SLC6A5: variants seen among roughly 807,000 people sequenced by gnomAD.
SLC6A5 encodes the protein solute carrier family 6 member 5.
SLC6A5 carries 58 observed loss-of-function variants against 90.5 expected under a neutral mutation model. That is an observed-to-expected ratio of 0.64 (90% confidence interval 0.52 to 0.80). The LOEUF (loss-of-function observed/expected upper bound fraction) is 0.80, where lower values mean the gene tolerates loss of function less well. Ranked by LOEUF, SLC6A5 falls within the 30% of genes least tolerant of loss-of-function variation. The probability of loss-of-function intolerance (pLI) is 0.00; values close to 1 mark genes in which losing one functional copy is unlikely to be tolerated. For synonymous variants in SLC6A5, 427 were observed against 401.4 expected (o/e 1.06, Z -0.76); for missense variants, 1,015 against 1,017.6 (o/e 1.00, Z 0.03).
chr11:20,601,447 C>A lies in SLC6A5; in HGVS notation c.322C>A (p.Pro108Thr), dbSNP rs774582809. Residue 108 changes from proline (P) to threonine (T), a missense_variant, in exon 2 of 16, where the codon CCT (proline) becomes ACT (threonine). By Grantham distance (38) the Pro-to-Thr change is conservative. Coordinates refer to ENST00000525748, the MANE Select transcript of SLC6A5 (RefSeq NM_004211.5). ...GGCGCAAGGCGCGCAGGCCTCGCCC[C>A]CTCCCGGGAGCTCCGGGCCCGGCAA... ...REAQGAQASP[P>T]PGSSGPGNAL... 1 of 1,608,598 alleles carries A rather than the reference C, an allele frequency of 6.2e-7. No individual in the cohort carries two copies. The highest frequency in any genetic ancestry group is 2.2e-5 in the East Asian group (1 of 44,638).
chr11:20,634,305 T>A (rs1187427897), intron 10 of SLC6A5, among the ~76,000 whole-genome samples: 1 of 152,206 alleles, frequency 6.6e-6, no homozygotes, highest in Admixed American at 6.5e-5. Context: ...TCTAACGATG[T>A]TATTCTCTAG....
intron 6 of SLC6A5, among the ~76,000 whole-genome samples, chr11:20,615,737 G>A (rs1852773416): frequency 6.6e-6 from 1 of 151,906 alleles, no homozygotes; most frequent in African/African-American, 2.4e-5. Context: ...GTGTTCTCTA[G>A]CTAAACTTTA....
rs375633978 is a variant in SLC6A5 at position 20,637,359 on chromosome 11, T to C, written c.1869+56T>C. Reference sequence around the variant, plus strand: ...TGGGGGCAGGAGGGTGGGGGGCCAATAGCTATCTGTCTTTCAACCCTTAGC... The same window carrying C: ...TGGGGGCAGGAGGGTGGGGGGCCAACAGCTATCTGTCTTTCAACCCTTAGC... On this transcript the variant is annotated intron_variant, in intron 12 of 15. Coordinates refer to ENST00000525748, the MANE Select transcript of SLC6A5 (RefSeq NM_004211.5). 1.5e-5 allele frequency: 22 copies of C among 1,495,016 alleles called. No homozygotes were observed. In the South Asian group the frequency reaches 2.4e-4, roughly 16 times the overall value. The allele number at this position is 1,495,016 out of a possible 1,614,324, so 92.6% of individuals were successfully genotyped here.
intron 15 of SLC6A5, among the ~76,000 whole-genome samples, chr11:20,652,684 A>AGT (rs1853565438): frequency 6.6e-6 from 1 of 152,314 alleles, no homozygotes; most frequent in South Asian, 2.1e-4. Context: ...GCTGGTCCTC[A>AGT]GTGTGGTGAC....
intron 14 of SLC6A5, among the ~76,000 whole-genome samples, chr11:20,651,035 T>C (rs188564317): frequency 6.6e-6 from 1 of 152,188 alleles, no homozygotes; most frequent in Admixed American, 6.5e-5. Context: ...TAGCTTATTA[T>C]AGGACCAAGC....
intron 5 of SLC6A5, among the ~76,000 whole-genome samples, chr11:20,611,222 A>G (rs949482775): frequency 6.6e-6 from 1 of 152,214 alleles, no homozygotes; most frequent in Admixed American, 6.5e-5. Context: ...TGGGAAGCCA[A>G]GGTGGATGGA....
Position 20,604,324 on chromosome 11 carries a change from C to T in SLC6A5, c.579C>T (p.Asn193=). 1 of 1,613,830 alleles carries T rather than the reference C, an allele frequency of 6.2e-7. No individual in the cohort carries two copies. Among genetic ancestry groups the T allele is most frequent in the Non-Finnish European group, 8.5e-7 (1 of 1,179,828 alleles). The change falls in exon 3 of 16, where the codon AAC becomes AAT. Residue 193 remains asparagine, a synonymous_variant. Transcript: ENST00000525748. ...EQGDENKARG[N]WSSKLDFILS... is the part of the protein sequence containing the mutation. ...GGGATGAGAATAAGGCCCGAGGGAA[C>T]TGGTCCAGCAAACTGGACTTCATCC...
intron 7 of SLC6A5, among the ~76,000 whole-genome samples, chr11:20,624,058 T>C (rs903593276): frequency 1.3e-5 from 2 of 150,938 alleles, no homozygotes; most frequent in African/African-American, 4.9e-5. Context: ...AATGCTTAAC[T>C]GGCTGGCACA....
In SLC6A5 at chr11:20,630,739, C is replaced by T. The variant is rs77029901; in HGVS notation, c.1548C>T (p.Ala516=). 2.9e-4 allele frequency: 467 copies of T among 1,614,180 alleles called. 3 individuals carry two copies. The African/African-American group carries it at 4.7e-3, about 16-fold the overall frequency. The change falls in exon 10 of 16, where the codon GCC becomes GCT. Residue 516 remains alanine, a synonymous_variant. Coordinates refer to ENST00000525748, the MANE Select transcript of SLC6A5 (RefSeq NM_004211.5). The part of the protein sequence containing the change: ...TCTNSATSIF[A]GFVIFSVIGF... ...CCAACAGTGCCACAAGCATCTTTGC[C>T]GGCTTCGTCATCTTCTCCGTTATCG... is the stretch of plus-strand genomic sequence containing the variant.
At chr11:20,617,927 A>T (rs150767679) in intron 7 of SLC6A5, 43 bp downstream of exon 7, 1 of 1,606,698 alleles carries the variant, frequency 6.2e-7, no homozygotes, top group East Asian at 2.2e-5. Context: ...TGAGACACCC[A>T]GGGGCGGTTG....
intron 13 of SLC6A5, among the ~76,000 whole-genome samples, chr11:20,646,204 C>G (rs1296967866): frequency 6.6e-6 from 1 of 152,150 alleles, no homozygotes; most frequent in Admixed American, 6.5e-5. Flanking sequence ...ATGAGAGTAA[C>G]CATCTCCTCT....
chr11:20,632,993 T>C (rs912053517), intron 10 of SLC6A5, among the ~76,000 whole-genome samples: 1 of 152,082 alleles, frequency 6.6e-6, no homozygotes, highest in African/African-American at 2.4e-5. Flanking sequence ...GAGGATGGGA[T>C]TGGTGAAGAG....
chr11:20,653,777 A>T (rs777173069), intron 15 of SLC6A5, among the ~76,000 whole-genome samples: 1 of 152,104 alleles, frequency 6.6e-6, no homozygotes, highest in Non-Finnish European at 1.5e-5. Context: ...AAGCCTCCCC[A>T]CCAACTGACC....
chr11:20,600,657 G>T (rs954515803), intron 1 of SLC6A5, among the ~76,000 whole-genome samples: 3 of 152,184 alleles, frequency 2.0e-5, no homozygotes, highest in Non-Finnish European at 4.4e-5. Context: ...GCGCTCGCAG[G>T]TGCCAGGGCA....
At chr11:20,625,943 T>TA (rs1248656486) in intron 7 of SLC6A5, among the ~76,000 whole-genome samples, 1 of 152,224 alleles carries the variant, frequency 6.6e-6, no homozygotes, top group Non-Finnish European at 1.5e-5. Flanking sequence ...TCTTCTAGGT[T>TA]AGGAGTCCCT....
chr11:20,619,308 A>G (rs904313357), intron 7 of SLC6A5, among the ~76,000 whole-genome samples: 1 of 152,230 alleles, frequency 6.6e-6, no homozygotes, highest in African/African-American at 2.4e-5. Context: ...TATTAGCCAC[A>G]TAGACCGAAC....
intron 5 of SLC6A5, among the ~76,000 whole-genome samples, chr11:20,609,930 A>T (rs1027220244): frequency 7.9e-5 from 12 of 152,224 alleles, no homozygotes; most frequent in African/African-American, 2.4e-4. Context: ...CTCTCCAAGT[A>T]TCTGTAATGG....
At position 20,614,741 on chromosome 11, in the gene SLC6A5, G is replaced by A. The variant is rs759580965; in HGVS notation, c.1048G>A (p.Ala350Thr). Residue 350 changes from alanine to threonine, a missense_variant, in exon 6 of 16, where the codon GCT (alanine) becomes ACT (threonine). Ala to Thr is a moderately conservative substitution (Grantham distance 58). Around this residue, in one of 3 missense-constraint regions of SLC6A5, gnomAD observed 567 missense variants for 507.3 expected, o/e 1.12. Transcript: ENST00000525748. Reference sequence around the variant, plus strand: ...CAAGAACTCGACTTTCTGCATGACCGCTTATCCCAACGTGACAATGGTTAA... The same window carrying A: ...CAAGAACTCGACTTTCTGCATGACCACTTATCCCAACGTGACAATGGTTAA... Reference protein sequence around the residue: ...QIKNSTFCMTAYPNVTMVNFT... With the variant: ...QIKNSTFCMTTYPNVTMVNFT... 93 of 1,613,510 alleles carry A rather than the reference G, an allele frequency of 5.8e-5. No homozygotes were observed. Among genetic ancestry groups the A allele is most frequent in the Admixed American group, 5.0e-4 (30 of 60,008 alleles).
chr11:20,626,379 G>GC (rs2133797979), intron 7 of SLC6A5, among the ~76,000 whole-genome samples: 2 of 152,106 alleles, frequency 1.3e-5, no homozygotes, highest in South Asian at 4.2e-4. Flanking sequence ...TGGGCACAGA[G>GC]CCCCCCTCCC....
Sources: allele counts gnomAD v4.1 joint callset (sites outside exome capture counted in the v4.1 genomes callset), GRCh38; gene constraint gnomAD v4.1.1; regional missense constraint gnomAD v4.1.1; transcripts MANE v1.5; gene names NCBI Gene and HGNC (gene_info 2026-07-23, HGNC 2026-07-21).